The following RAD51B variants were observed in gnomAD, a reference collection of about 807,000 sequenced individuals.
RAD51B encodes DNA repair protein RAD51 homolog 2.
A neutral mutation model predicts 42.2 loss-of-function variants in RAD51B; 38 were observed. That is an observed-to-expected ratio of 0.90 (90% confidence interval 0.70 to 1.18). The LOEUF (loss-of-function observed/expected upper bound fraction) is 1.18, where lower values mean the gene tolerates loss of function less well. Ranked by LOEUF, RAD51B falls within the 50% of genes most tolerant of loss-of-function variation. The pLI is 0.00. For synonymous variants in RAD51B, 154 were observed against 145.2 expected (o/e 1.06, Z -0.43); for missense variants, 373 against 400.7 (o/e 0.93, Z 0.59).
chr14:68,578,698 G>T (rs895737198), intron 10 of RAD51B, among the ~76,000 whole-genome samples: 2 of 152,216 alleles, frequency 1.3e-5, no homozygotes, highest in Non-Finnish European at 2.9e-5. Context: ...TCACAGGAAG[G>T]TGAAGCCCAA....
intron 8 of RAD51B, among the ~76,000 whole-genome samples, chr14:68,293,468 C>T (rs11844086): frequency 0.099 from 15,123 of 152,082 alleles, 2,324 homozygotes; most frequent in African/African-American, 0.33. Context: ...TGAATGATTT[C>T]AACCCTTCAT....
At chr14:68,196,549 T>C (rs2767378) in intron 7 of RAD51B, among the ~76,000 whole-genome samples, 132,741 of 152,158 alleles carry the variant, frequency 0.87, 58,026 homozygotes, top group East Asian at 0.98. Context: ...TTGCTATTAT[T>C]CTATGGGTCT....
chr14:67,913,363 G>T (rs1387166692), intron 7 of RAD51B, among the ~76,000 whole-genome samples: 1 of 152,176 alleles, frequency 6.6e-6, no homozygotes, highest in Non-Finnish European at 1.5e-5. Flanking sequence ...TAGGGCAGTG[G>T]TCTTCAAAAT....
chr14:68,485,138 G>C (rs1883523502), intron 10 of RAD51B, among the ~76,000 whole-genome samples: 1 of 152,192 alleles, frequency 6.6e-6, no homozygotes, highest in Non-Finnish European at 1.5e-5. Context: ...GGCTGTGAGA[G>C]GGCAAGACAG....
At chr14:67,821,829 C>G (rs918784157) in intron 1 of RAD51B, among the ~76,000 whole-genome samples, 25 of 151,932 alleles carry the variant, frequency 1.6e-4, no homozygotes, top group African/African-American at 6.0e-4. Context: ...GGTGTCATTA[C>G]TTGAAACTAC....
At chr14:68,049,429 G>C (rs975532462) in intron 7 of RAD51B, among the ~76,000 whole-genome samples, 4 of 152,130 alleles carry the variant, frequency 2.6e-5, no homozygotes, top group Admixed American at 2.6e-4. Context: ...TTTGTTAGCT[G>C]TTCGAGACCC....
At chr14:68,312,950 G>A (rs2081991054) in intron 8 of RAD51B, among the ~76,000 whole-genome samples, 2 of 152,186 alleles carry the variant, frequency 1.3e-5, no homozygotes. Flanking sequence ...AAAGCCCTTG[G>A]TTGGGTTGTC....
intron 4 of RAD51B, among the ~76,000 whole-genome samples, chr14:67,848,022 TTTG>T (rs2041678863): frequency 6.6e-6 from 1 of 152,188 alleles, no homozygotes; most frequent in Admixed American, 6.5e-5. Flanking sequence ...TGTACACTTT[TTTG>T]TTGTTGTTGT....
chr14:68,180,140 G>A (rs775488099), intron 7 of RAD51B, among the ~76,000 whole-genome samples: 14 of 152,116 alleles, frequency 9.2e-5, no homozygotes, highest in Non-Finnish European at 1.8e-4. Context: ...CACCCTAATG[G>A]TTAAAGTTTT....
Position 68,682,910 on chromosome 14 carries a change from CTTTTTT to C in RAD51B, c.*11+32069_*11+32074del, listed in dbSNP as rs535044457. On this transcript the variant is annotated intron_variant, in intron 11 of 11. Transcript: ENST00000488612. ...TTTAATAAAAATCTGTAGCTTATGG[CTTTTTT>C]TTTTTTTTTTTTTTGTATAGGGCAG... 9.3e-3 allele frequency: 6,528 copies of C among 699,160 alleles called. 58 individuals carry two copies. The African/African-American group carries it at 0.095, about 10-fold the overall frequency. The allele number at this position is 699,160 out of a possible 1,614,324, so 43.3% of individuals were successfully genotyped here.
At chr14:68,585,438 C>T (rs1380408654) in intron 10 of RAD51B, among the ~76,000 whole-genome samples, 3 of 152,130 alleles carry the variant, frequency 2.0e-5, no homozygotes, top group South Asian at 2.1e-4. Context: ...GGGCTCCTGA[C>T]GAGGAGCCCC....
rs568931394 is a variant in RAD51B at position 68,486,926 on chromosome 14, G to A, written c.1036+18676G>A. Among the ~76,000 whole-genome samples, 16 of 152,184 alleles carry A rather than the reference G, an allele frequency of 1.1e-4. No individual in the cohort carries two copies. In the South Asian group the frequency reaches 2.9e-3, roughly 28 times the overall value. ...CCCTCAAAGCCCATCCTGATGGTGCGGTCACACCACTGGAGAAACCATAGA... is the reference window on the plus strand; with the variant it reads ...CCCTCAAAGCCCATCCTGATGGTGCAGTCACACCACTGGAGAAACCATAGA... On this transcript the variant is annotated intron_variant, in intron 10 of 10. Coordinates refer to the RAD51B transcript ENST00000487270.
intron 7 of RAD51B, among the ~76,000 whole-genome samples, chr14:68,223,646 C>T (rs902623600): frequency 6.6e-6 from 1 of 152,196 alleles, no homozygotes; most frequent in Non-Finnish European, 1.5e-5. Flanking sequence ...GACATTCAAC[C>T]ATTTTCTTTC....
At chr14:68,587,126 G>A (rs545524936) in intron 10 of RAD51B, among the ~76,000 whole-genome samples, 23 of 152,198 alleles carry the variant, frequency 1.5e-4, no homozygotes, top group South Asian at 4.2e-4. Flanking sequence ...CAGTGCCTGC[G>A]CATAAGAGGC....
chr14:68,065,733 A>C (rs558263149), intron 7 of RAD51B, among the ~76,000 whole-genome samples: 48 of 152,162 alleles, frequency 3.2e-4, no homozygotes, highest in African/African-American at 1.1e-3. Context: ...TGGGATGGGG[A>C]ATATGGAGCA....
intron 9 of RAD51B, among the ~76,000 whole-genome samples, chr14:68,450,209 T>A (rs1182845263): frequency 6.7e-5 from 1 of 14,902 alleles, no homozygotes; most frequent in Non-Finnish European, 1.6e-4. Context: ...CTTAGGGCTT[T>A]TTTTTTTTTT....
intron 7 of RAD51B, among the ~76,000 whole-genome samples, chr14:68,017,475 C>T (rs777127262): frequency 2.0e-5 from 3 of 151,974 alleles, no homozygotes; most frequent in Non-Finnish European, 2.9e-5. Context: ...GGATTACAGG[C>T]GTGAGCCACC....
At chr14:68,520,643 A>G (rs1419831449) in intron 10 of RAD51B, among the ~76,000 whole-genome samples, 3 of 152,192 alleles carry the variant, frequency 2.0e-5, no homozygotes, top group African/African-American at 7.2e-5. Flanking sequence ...CTTTGTGCCC[A>G]GAAACTCTTC....
At chr14:68,302,728 G>A (rs1413646655) in intron 8 of RAD51B, among the ~76,000 whole-genome samples, 1 of 152,206 alleles carries the variant, frequency 6.6e-6, no homozygotes, top group Non-Finnish European at 1.5e-5. Flanking sequence ...ATCCCTTATG[G>A]GAAACGAAGG....
Sources: allele counts gnomAD v4.1 joint callset (sites outside exome capture counted in the v4.1 genomes callset), GRCh38; gene constraint gnomAD v4.1.1; transcripts MANE v1.5; gene names NCBI Gene and HGNC (gene_info 2026-07-23, HGNC 2026-07-21).